RNF2: variants seen among roughly 807,000 people sequenced by gnomAD.
The protein encoded by RNF2 is E3 ubiquitin-protein ligase RING2.
A neutral mutation model predicts 37.2 loss-of-function variants in RNF2; 6 were observed. The ratio of observed to expected loss-of-function variants is 0.16; its 90% CI spans 0.09 to 0.32. The LOEUF is 0.32. RNF2 is among the 10% of genes least tolerant of loss of function. The probability of loss-of-function intolerance (pLI) is 1.00; values close to 1 mark genes in which losing one functional copy is unlikely to be tolerated. For missense variants in RNF2, 251 were observed against 404.0 expected (o/e 0.62, Z 3.25); for synonymous variants, 133 against 132.7 (o/e 1.00, Z -0.02).
intron 1 of RNF2, among the ~76,000 whole-genome samples, chr1:185,083,267 T>A (rs565188227): frequency 2.0e-5 from 3 of 152,334 alleles, no homozygotes; most frequent in African/African-American, 7.2e-5. Flanking sequence ...GATTGTATGT[T>A]TGTTTTAGTT....
intron 1 of RNF2, among the ~76,000 whole-genome samples, chr1:185,078,663 A>G (rs1651247582): frequency 6.6e-6 from 1 of 152,208 alleles, no homozygotes; most frequent in African/African-American, 2.4e-5. Context: ...AAATCCCAGC[A>G]CTTTGGGAGG....
chr1:185,045,664 C>G lies in RNF2; in HGVS notation c.-3+15C>G, dbSNP rs1286238906. On this transcript the variant is annotated intron_variant, in intron 1 of 6. Transcript: ENST00000367510. ...GGCAGGAGCCGGTGAGTGGGGCGGG[C>G]GGGGAGGCGAAGGACGCGGAAGCAG... 6.6e-6 allele frequency: 1 copy of G among 151,816 alleles called. No individual in the cohort carries two copies. The highest frequency in any genetic ancestry group is 2.4e-5 in the African/African-American group (1 of 41,166). The allele number at this position is 151,816 out of a possible 1,614,324, so 9.4% of individuals were successfully genotyped here.
chr1:185,100,799 A>T lies in RNF2; in HGVS notation c.*498A>T, dbSNP rs1652057573. 3 of 152,444 alleles carry T rather than the reference A, an allele frequency of 2.0e-5. No homozygotes were observed. Among genetic ancestry groups the T allele is most frequent in the Admixed American group, 1.3e-4 (2 of 15,260 alleles). 9.4% of individuals were successfully genotyped at this position (152,444 alleles called of 1,614,324 possible). A position where few individuals can be genotyped will look rare whatever the true frequency, so the allele number is the denominator to read the frequency against. On this transcript the variant is annotated 3_prime_UTR_variant, in exon 7 of 7. Coordinates refer to ENST00000367510, the MANE Select transcript of RNF2 (RefSeq NM_007212.4). Reference sequence around the variant, plus strand: ...CCCAAGGCTCAAATTTACTGTCCTTAAAAACAATTCTCATAGGATTATTCT... The same window carrying T: ...CCCAAGGCTCAAATTTACTGTCCTTTAAAACAATTCTCATAGGATTATTCT...
At chr1:185,048,181 A>G (rs1219191307) in intron 1 of RNF2, among the ~76,000 whole-genome samples, 1 of 152,136 alleles carries the variant, frequency 6.6e-6, no homozygotes, top group East Asian at 1.9e-4. Context: ...AGTAGAAGCT[A>G]GTGTTAGTGT....
At chr1:185,084,156 A>G (rs1557970822) in intron 1 of RNF2, among the ~76,000 whole-genome samples, 1 of 151,944 alleles carries the variant, frequency 6.6e-6, no homozygotes. Flanking sequence ...GTTGCCCAGA[A>G]TGGTCTTGAA....
intron 4 of RNF2, among the ~76,000 whole-genome samples, chr1:185,094,236 G>C (rs1036863538): frequency 2.0e-5 from 3 of 152,004 alleles, no homozygotes; most frequent in African/African-American, 7.2e-5. Flanking sequence ...CTGCCTCCTG[G>C]GTTTCCAGCG....
intron 1 of RNF2, among the ~76,000 whole-genome samples, chr1:185,074,609 A>G (rs1000742464): frequency 6.6e-6 from 1 of 152,042 alleles, no homozygotes; most frequent in Non-Finnish European, 1.5e-5. Flanking sequence ...AATACAAAGA[A>G]AAAAAAAGAC....
At position 185,076,268 on chromosome 1, in the gene RNF2, G is replaced by GTTTTTTTTTTTTTTTTTTTTTT. The variant is rs71101959; in HGVS notation, c.-2-11265_-2-11244dup. ...TTTTCTTCTAGATCTTTTATGGGTT[G>GTTTTTTTTTTTTTTTTTTTTTT]TTTTTTTTTTTTTTTTTTTTTTTTT... is the stretch of plus-strand genomic sequence containing the variant. On this transcript the variant is annotated intron_variant, in intron 1 of 6. Coordinates refer to ENST00000367510, the MANE Select transcript of RNF2 (RefSeq NM_007212.4). 1.0e-3 allele frequency among the ~76,000 whole-genome samples: 28 copies of GTTTTTTTTTTTTTTTTTTTTTT among 27,344 alleles called. 11 individuals carry two copies. The highest frequency in any genetic ancestry group is 2.7e-3 in the East Asian group (3 of 1,118). 17.9% of individuals were successfully genotyped at this position (27,344 alleles called of 152,430 possible).
chr1:185,055,209 C>T (rs1236338905), intron 1 of RNF2, among the ~76,000 whole-genome samples: 1 of 152,080 alleles, frequency 6.6e-6, no homozygotes, highest in South Asian at 2.1e-4. Flanking sequence ...TTTATTTTTC[C>T]GGATTTTCTA....
chr1:185,076,268 G>GTTTTTTTTTTTTTGTTTTTT (rs1651152904), intron 1 of RNF2, among the ~76,000 whole-genome samples: 2 of 27,336 alleles, frequency 7.3e-5, no homozygotes, highest in African/African-American at 2.6e-4. Context: ...TTTATGGGTT[G>GTTTTTTTTTTTTTGTTTTTT]TTTTTTTTTT....
chr1:185,082,232 A>G (rs1651436566), intron 1 of RNF2, among the ~76,000 whole-genome samples: 1 of 151,556 alleles, frequency 6.6e-6, no homozygotes, highest in Admixed American at 6.6e-5. Flanking sequence ...GGTAACTTCT[A>G]GTGTAGTTAT....
chr1:185,062,138 A>G (rs2102162060), intron 1 of RNF2, among the ~76,000 whole-genome samples: 1 of 152,370 alleles, frequency 6.6e-6, no homozygotes, highest in South Asian at 2.1e-4. Context: ...CTTTTGAGGA[A>G]GAAAGAGGCA....
rs1651812394 is a variant in RNF2 at position 185,092,981 on chromosome 1, T to C, written c.249-80T>C. 6 of 1,169,996 alleles carry C rather than the reference T, an allele frequency of 5.1e-6. 1 individual carries two copies. The East Asian group carries it at 1.4e-4, about 28-fold the overall frequency. The allele number at this position is 1,169,996 out of a possible 1,614,324, so 72.5% of individuals were successfully genotyped here. On this transcript the variant is annotated intron_variant, in intron 3 of 6. Coordinates refer to ENST00000367510, the MANE Select transcript of RNF2 (RefSeq NM_007212.4). ...AGGTATTGGAATAAAGGTGAATAAC[T>C]ATCCAGAAGCTGGGTATTTTTGTCT...
chr1:185,085,066 G>A (rs1243368159), intron 1 of RNF2, among the ~76,000 whole-genome samples: 4 of 151,454 alleles, frequency 2.6e-5, no homozygotes, highest in East Asian at 1.9e-4. Flanking sequence ...CTCTTCCAAC[G>A]CATACTTTTC....
chr1:185,058,011 G>A (rs1650486275), intron 1 of RNF2, among the ~76,000 whole-genome samples: 1 of 152,090 alleles, frequency 6.6e-6, no homozygotes, highest in Admixed American at 6.5e-5. Context: ...TATAGTCTCA[G>A]TTACTCAGGA....
intron 4 of RNF2, among the ~76,000 whole-genome samples, chr1:185,097,107 G>A (rs1651934431): frequency 6.6e-6 from 1 of 152,036 alleles, no homozygotes; most frequent in Non-Finnish European, 1.5e-5. Flanking sequence ...ATTTAATCTT[G>A]TACCTGAGTT....
chr1:185,059,864 G>A (rs1650549478), intron 1 of RNF2, among the ~76,000 whole-genome samples: 1 of 152,126 alleles, frequency 6.6e-6, no homozygotes, highest in Non-Finnish European at 1.5e-5. Context: ...AGAGTGTAGA[G>A]GTATTAGCCT....
intron 1 of RNF2, among the ~76,000 whole-genome samples, chr1:185,070,065 C>A (rs887108519): frequency 7.9e-5 from 12 of 152,086 alleles, no homozygotes; most frequent in African/African-American, 2.9e-4. Flanking sequence ...TTGGGGGTAG[C>A]TAAATAATTT....
chr1:185,094,360 T>C (rs1043487915), intron 4 of RNF2, among the ~76,000 whole-genome samples: 2 of 151,856 alleles, frequency 1.3e-5, no homozygotes, highest in African/African-American at 4.8e-5. Flanking sequence ...GCGAGGCTGG[T>C]CTCAACTCCT....
Sources: allele counts gnomAD v4.1 joint callset (sites outside exome capture counted in the v4.1 genomes callset), GRCh38; gene constraint gnomAD v4.1.1; transcripts MANE v1.5; gene names NCBI Gene and HGNC (gene_info 2026-07-23, HGNC 2026-07-21).